The following BCL2 variants were observed in gnomAD, a reference collection of about 807,000 sequenced individuals.
BCL2 encodes the protein BCL2 apoptosis regulator.
Under a neutral mutation model 14.2 loss-of-function variants are expected in BCL2, and 1 was observed. The observed-to-expected ratio is 0.07, with a 90% CI of 0.02 to 0.33. BCL2 has a LOEUF of 0.33. BCL2 is among the 10% of genes least tolerant of loss of function. The pLI is 0.99. For missense variants in BCL2, 247 were observed against 305.9 expected (o/e 0.81, Z 1.44); for synonymous variants, 151 against 137.2 (o/e 1.10, Z -0.70).
chr18:63,306,291 T>C (rs1913132471), intron 2 of BCL2, among the ~76,000 whole-genome samples: 1 of 152,224 alleles, frequency 6.6e-6, no homozygotes. Context: ...TTTCTTGCCG[T>C]TCCCACTACC....
intron 2 of BCL2, among the ~76,000 whole-genome samples, chr18:63,277,949 A>T (rs1912204565): frequency 6.6e-6 from 1 of 152,166 alleles, no homozygotes; most frequent in African/African-American, 2.4e-5. Context: ...CACTCTATGG[A>T]GGCCAATATT....
chr18:63,291,660 C>G (rs780431190), intron 2 of BCL2, among the ~76,000 whole-genome samples: 12 of 151,474 alleles, frequency 7.9e-5, no homozygotes, highest in Non-Finnish European at 1.5e-4. Flanking sequence ...CCTTGAGTTA[C>G]TTAGTTTAGT....
intron 2 of BCL2, among the ~76,000 whole-genome samples, chr18:63,132,060 C>G (rs1333298398): frequency 1.3e-5 from 2 of 152,216 alleles, no homozygotes; most frequent in Non-Finnish European, 2.9e-5. Flanking sequence ...GTGAGATGAG[C>G]TAAACTAGCA....
chr18:63,200,726 A>G (rs1909667170), intron 2 of BCL2, among the ~76,000 whole-genome samples: 1 of 151,996 alleles, frequency 6.6e-6, no homozygotes, highest in African/African-American at 2.4e-5. Flanking sequence ...AAACTCATCA[A>G]CTCCTGGGAA....
intron 2 of BCL2, among the ~76,000 whole-genome samples, chr18:63,206,354 C>A (rs551962645): frequency 6.6e-6 from 1 of 152,246 alleles, no homozygotes; most frequent in African/African-American, 2.4e-5. Flanking sequence ...GAAGTGCACA[C>A]GCTTGTCTCA....
At chr18:63,265,371 G>C (rs1437243238) in intron 2 of BCL2, among the ~76,000 whole-genome samples, 1 of 152,178 alleles carries the variant, frequency 6.6e-6, no homozygotes, top group African/African-American at 2.4e-5. Context: ...ATAGTCACCT[G>C]TAACCCTGGG....
At chr18:63,211,047 C>G (rs553080970) in intron 2 of BCL2, among the ~76,000 whole-genome samples, 61 of 139,028 alleles carry the variant, frequency 4.4e-4, no homozygotes, top group Non-Finnish European at 8.2e-4. Context: ...TTCTTCCCAT[C>G]TTTTTCTTTT....
At chr18:63,310,557 T>A (rs939705858) in intron 2 of BCL2, among the ~76,000 whole-genome samples, 6 of 152,258 alleles carry the variant, frequency 3.9e-5, no homozygotes, top group Admixed American at 3.9e-4. Context: ...GGTCTCCTAC[T>A]GATTGGTAAG....
At chr18:63,316,908 T>C (rs936843012) in intron 2 of BCL2, 2 of 147,982 alleles carry the variant, frequency 1.4e-5, no homozygotes, top group Admixed American at 6.9e-5. Flanking sequence ...TTTTCAAAGA[T>C]AACTCTTCAG....
rs4987794 is a variant in BCL2 at position 63,183,661 on chromosome 18, A to G, written c.586-54902T>C. Among the ~76,000 whole-genome samples the G allele has an allele frequency of 4.1e-3, 619 of 152,348 alleles. 6 individuals are homozygous for G. The highest frequency in any genetic ancestry group is 6.4e-3 in the Non-Finnish European group (432 of 68,030). On this transcript the variant is annotated intron_variant, in intron 2 of 2. Transcript: ENST00000333681. ...CAAGGGCTGGCAATGGCATCATTCC[A>G]TGTGTGGAAGGAGTTCAGAAGAAAG... is the stretch of plus-strand genomic sequence containing the variant.
chr18:63,293,057 G>A (rs1432129816), intron 2 of BCL2, among the ~76,000 whole-genome samples: 4 of 152,198 alleles, frequency 2.6e-5, no homozygotes, highest in Non-Finnish European at 4.4e-5. Context: ...TTCATGCAAC[G>A]TGCAAGATGT....
chr18:63,143,849 C>A (rs149330143), intron 2 of BCL2, among the ~76,000 whole-genome samples: 5 of 152,180 alleles, frequency 3.3e-5, no homozygotes, highest in African/African-American at 9.7e-5. Flanking sequence ...ATTTACTGAC[C>A]GCCTGAGTTG....
chr18:63,234,906 C>T (rs1910781578), intron 2 of BCL2, among the ~76,000 whole-genome samples: 1 of 152,020 alleles, frequency 6.6e-6, no homozygotes, highest in Non-Finnish European at 1.5e-5. Flanking sequence ...AATTACAAAA[C>T]CAAGAGAAGA....
intron 2 of BCL2, among the ~76,000 whole-genome samples, chr18:63,206,910 C>T (rs779882256): frequency 7.9e-5 from 12 of 151,866 alleles, no homozygotes; most frequent in Non-Finnish European, 1.0e-4. Context: ...CCTGGACACA[C>T]AGTAAAAAGG....
At chr18:63,319,085 T>C in intron 1 of BCL2, 89 bp downstream of exon 1, 1 of 1,064,538 alleles carries the variant, frequency 9.4e-7, no homozygotes, top group Non-Finnish European at 1.1e-6. Flanking sequence ...GCCTGGAAAT[T>C]AAATTTACTC....
rs532045822 is a variant in BCL2, at chr18:63,150,812, A to G, written c.586-22053T>C. 4.5e-4 allele frequency among the ~76,000 whole-genome samples: 69 copies of G among 152,308 alleles called. 1 individual carries two copies. The highest frequency in any genetic ancestry group is 1.6e-3 in the African/African-American group (68 of 41,556). On this transcript the variant is annotated intron_variant, in intron 2 of 2. Transcript: ENST00000333681. ...ATGTCCAGAAATATTGGACTATAACATAAGATTTGATGCTTAAGAATGAGT... is the reference window on the plus strand; with the variant it reads ...ATGTCCAGAAATATTGGACTATAACGTAAGATTTGATGCTTAAGAATGAGT...
chr18:63,272,288 C>T (rs1047585339), intron 2 of BCL2, among the ~76,000 whole-genome samples: 3 of 152,160 alleles, frequency 2.0e-5, no homozygotes, highest in Non-Finnish European at 4.4e-5. Context: ...CTGGTTTCTG[C>T]CAATTCAGAG....
In BCL2 at chr18:63,125,640, T is replaced by C; in HGVS notation, c.*2985A>G. 4.7e-6 allele frequency: 1 copy of C among 212,810 alleles called. No homozygotes were observed. The highest frequency in any genetic ancestry group is 9.5e-6 in the Non-Finnish European group (1 of 105,098). 13.2% of individuals were successfully genotyped at this position (212,810 alleles called of 1,614,324 possible). A position where few individuals can be genotyped will look rare whatever the true frequency, so the allele number is the denominator to read the frequency against. On this transcript the variant is annotated 3_prime_UTR_variant, in exon 3 of 3. Transcript: ENST00000333681. ...CTCTTCAATACAAAATAGGGATGGT[T>C]CTCTGTTGCCCAACTGCAAAATAAT...
chr18:63,311,707 G>A (rs1247997495), intron 2 of BCL2, among the ~76,000 whole-genome samples: 5 of 152,126 alleles, frequency 3.3e-5, no homozygotes, highest in East Asian at 3.8e-4. Context: ...CCCCATTGAC[G>A]CATGTGGCCC....
Sources: allele counts gnomAD v4.1 joint callset (sites outside exome capture counted in the v4.1 genomes callset), GRCh38; gene constraint gnomAD v4.1.1; transcripts MANE v1.5; gene names NCBI Gene and HGNC (gene_info 2026-07-23, HGNC 2026-07-21).